Variants in RNF111 observed in about 807,000 individuals in gnomAD.
RNF111 encodes E3 ubiquitin-protein ligase Arkadia.
In RNF111, 17 loss-of-function variants were observed where a neutral mutation model predicts 95.1. The observed-to-expected ratio is 0.18, with a 90% confidence interval of 0.12 to 0.27. The LOEUF is 0.27. Among genes scored for constraint, RNF111 ranks in the 10% least tolerant of loss-of-function variants. The pLI is 1.00. For synonymous variants in RNF111, 440 were observed against 414.8 expected (o/e 1.06, Z -0.74); for missense variants, 1,189 against 1,210.4 (o/e 0.98, Z 0.26).
intron 1 of RNF111, among the ~76,000 whole-genome samples, chr15:59,003,431 C>G (rs2039410948): frequency 6.6e-6 from 1 of 151,926 alleles, no homozygotes. Flanking sequence ...CAGAGTCTGG[C>G]TCTGTTGCTC....
At chr15:59,084,757 C>T (rs760931058) in intron 9 of RNF111, among the ~76,000 whole-genome samples, 2 of 152,064 alleles carry the variant, frequency 1.3e-5, no homozygotes, top group African/African-American at 4.8e-5. Flanking sequence ...AGCATCTCCC[C>T]TTTCCTCATT....
At chr15:59,030,570 C>G (rs1375495323) in intron 1 of RNF111, among the ~76,000 whole-genome samples, 1 of 152,088 alleles carries the variant, frequency 6.6e-6, no homozygotes, top group East Asian at 1.9e-4. Context: ...TTTAAGTAGG[C>G]TTATGCTCTA....
chr15:59,029,011 C>A (rs1328008108), intron 1 of RNF111, among the ~76,000 whole-genome samples: 2 of 152,096 alleles, frequency 1.3e-5, no homozygotes, highest in East Asian at 3.8e-4. Context: ...AACTCCTGGC[C>A]TCCAGTGATC....
intron 2 of RNF111, among the ~76,000 whole-genome samples, chr15:59,042,274 A>C (rs2041501687): frequency 6.6e-6 from 1 of 151,888 alleles, no homozygotes; most frequent in Non-Finnish European, 1.5e-5. Context: ...CCACAAGTGC[A>C]CACCCCCACG....
intron 1 of RNF111, among the ~76,000 whole-genome samples, chr15:59,006,685 G>A (rs2039553628): frequency 6.6e-6 from 1 of 152,056 alleles, no homozygotes; most frequent in African/African-American, 2.4e-5. Flanking sequence ...GCATTTTAAA[G>A]TTACAAAAAT....
At chr15:59,088,056 T>C (rs2078948211) in intron 10 of RNF111, among the ~76,000 whole-genome samples, 1 of 152,136 alleles carries the variant, frequency 6.6e-6, no homozygotes, top group Non-Finnish European at 1.5e-5. Context: ...CCCTATTTGG[T>C]TGGCAGTAAT....
chr15:59,029,648 G>C (rs1029590883), intron 1 of RNF111, among the ~76,000 whole-genome samples: 6 of 152,326 alleles, frequency 3.9e-5, no homozygotes, highest in Admixed American at 3.3e-4. Context: ...CTAAACAGCT[G>C]TTGTACTCGC....
intron 2 of RNF111, among the ~76,000 whole-genome samples, chr15:59,032,916 G>C (rs1301674891): frequency 2.0e-5 from 3 of 152,102 alleles, no homozygotes; most frequent in African/African-American, 7.2e-5. Flanking sequence ...CACACACACA[G>C]TAAATGTGAT....
chr15:59,047,471 G>T (rs1281281497), intron 2 of RNF111, among the ~76,000 whole-genome samples: 1 of 152,062 alleles, frequency 6.6e-6, no homozygotes, highest in Non-Finnish European at 1.5e-5. Context: ...CTCCAGCCTG[G>T]GCATTGGATC....
chr15:59,013,561 A>G (rs186464903), intron 1 of RNF111, among the ~76,000 whole-genome samples: 2 of 152,322 alleles, frequency 1.3e-5, no homozygotes, highest in East Asian at 1.9e-4. Context: ...TCAGGAGTAC[A>G]TGGTGTCAAC....
At chr15:59,023,575 A>G (rs1168048070) in intron 1 of RNF111, among the ~76,000 whole-genome samples, 2 of 152,142 alleles carry the variant, frequency 1.3e-5, no homozygotes, top group Non-Finnish European at 1.5e-5. Flanking sequence ...GGCCTGTCTT[A>G]CTGTTGCCAG....
intron 1 of RNF111, among the ~76,000 whole-genome samples, chr15:58,988,864 G>T (rs1232279445): frequency 6.6e-6 from 1 of 152,188 alleles, no homozygotes; most frequent in African/African-American, 2.4e-5. Flanking sequence ...GAATTCTCTT[G>T]AATGGTAAGA....
chr15:59,058,247 T>G (rs1037483137), intron 4 of RNF111, 109 bp from the exon 5 acceptor site: 14 of 867,980 alleles, frequency 1.6e-5, no homozygotes, highest in Non-Finnish European at 2.4e-5. Flanking sequence ...AGAGCTTGTA[T>G]TTTTAAAGTT....
intron 8 of RNF111, among the ~76,000 whole-genome samples, chr15:59,082,300 G>T (rs1350888531): frequency 1.3e-5 from 2 of 152,128 alleles, no homozygotes; most frequent in African/African-American, 4.8e-5. Context: ...GGTCTGATGT[G>T]AGCTAATCTT....
In RNF111 at chr15:59,048,489, C is replaced by CT. The variant is rs368811268; in HGVS notation, c.881-3812dup. On this transcript the variant is annotated intron_variant, in intron 2 of 13. Transcript: ENST00000348370. ...CTGACTGAAATAGGACTTGCGAGCT[C>CT]TTTTGGGGTTATTGGAAATGTTCTT... Among the ~76,000 whole-genome samples, 16 of 152,154 alleles carry CT rather than the reference C, an allele frequency of 1.1e-4. No homozygotes were observed. The East Asian group carries it at 2.9e-3, about 28-fold the overall frequency.
chr15:59,091,303 TA>T (rs1323041051), intron 12 of RNF111, 149 bp downstream of exon 12: 3 of 482,412 alleles, frequency 6.2e-6, no homozygotes, highest in East Asian at 3.3e-5. Context: ...GTATAAAAAA[TA>T]TATACTTTGC....
At chr15:59,013,160 G>T (rs960254634) in intron 1 of RNF111, among the ~76,000 whole-genome samples, 3 of 152,174 alleles carry the variant, frequency 2.0e-5, no homozygotes, top group Non-Finnish European at 4.4e-5. Context: ...ATCAGGGGAA[G>T]TTTGTAAATA....
chr15:59,087,733 T>C (rs1212551178), intron 10 of RNF111, among the ~76,000 whole-genome samples: 6 of 152,140 alleles, frequency 3.9e-5, no homozygotes, highest in Non-Finnish European at 8.8e-5. Flanking sequence ...TTGCTGTCTC[T>C]GGGGTGGCAG....
chr15:59,024,709 A>G (rs1455456406), intron 1 of RNF111, among the ~76,000 whole-genome samples: 1 of 152,158 alleles, frequency 6.6e-6, no homozygotes, highest in African/African-American at 2.4e-5. Context: ...TAAAATTACC[A>G]TTTTTAAGTT....
Sources: allele counts gnomAD v4.1 joint callset (sites outside exome capture counted in the v4.1 genomes callset), GRCh38; gene constraint gnomAD v4.1.1; transcripts MANE v1.5; gene names NCBI Gene and HGNC (gene_info 2026-07-23, HGNC 2026-07-21).